CELF4: variants seen among roughly 807,000 people sequenced by gnomAD.
CELF4 encodes CUGBP Elav-like family member 4, also known as CUG-BP- and ETR-3-like factor 4.
Under a neutral mutation model 59.9 loss-of-function variants are expected in CELF4, and 18 were observed. The observed-to-expected ratio is 0.30, with a 90% CI of 0.21 to 0.45. The LOEUF is 0.45. Ranked by LOEUF, CELF4 falls within the 20% of genes least tolerant of loss-of-function variation. The probability of loss-of-function intolerance (pLI) is 1.00; values close to 1 mark genes in which losing one functional copy is unlikely to be tolerated. For missense variants in CELF4, 456 were observed against 689.0 expected (o/e 0.66, Z 3.79); for synonymous variants, 261 against 267.1 (o/e 0.98, Z 0.22).
intron 2 of CELF4, among the ~76,000 whole-genome samples, chr18:37,396,493 C>T (rs473443): frequency 3.3e-5 from 5 of 152,100 alleles, no homozygotes; most frequent in African/African-American, 9.7e-5. Context: ...TAAAAGACCA[C>T]GGTGAGTGAG....
chr18:37,301,369 G>A (rs1240058116), intron 3 of CELF4, among the ~76,000 whole-genome samples: 1 of 152,204 alleles, frequency 6.6e-6, no homozygotes, highest in Non-Finnish European at 1.5e-5. Context: ...AAAGACGGCA[G>A]AGATGGGGGC....
chr18:37,557,643 G>A lies in CELF4; in HGVS notation c.286+7713C>T, dbSNP rs76268635. ...GTGCATTGCAATAAAGTAACATCGC[G>A]GTCAGTTTATGCGTTGTCCAGAGCC... On this transcript the variant is annotated intron_variant, in intron 1 of 12. Coordinates refer to ENST00000420428, the MANE Select transcript of CELF4 (RefSeq NM_020180.4). 2.5e-3 allele frequency among the ~76,000 whole-genome samples: 386 copies of A among 152,276 alleles called. 2 individuals carry two copies. Among genetic ancestry groups the A allele is most frequent in the African/African-American group, 8.7e-3 (363 of 41,550 alleles).
chr18:37,421,164 A>G (rs1786822), intron 2 of CELF4, among the ~76,000 whole-genome samples: 139,287 of 152,000 alleles, frequency 0.92, 65,077 homozygotes, highest in East Asian at 1. Flanking sequence ...ACAGTTCCCT[A>G]TCCGGGTCAT....
chr18:37,470,509 A>G (rs888342245), intron 2 of CELF4, among the ~76,000 whole-genome samples: 1 of 152,192 alleles, frequency 6.6e-6, no homozygotes, highest in Non-Finnish European at 1.5e-5. Flanking sequence ...CCTTTTCAAG[A>G]TAAAGGCCAT....
intron 1 of CELF4, among the ~76,000 whole-genome samples, chr18:37,527,744 C>A (rs1323772640): frequency 1.3e-5 from 2 of 152,196 alleles, no homozygotes; most frequent in East Asian, 3.9e-4. Flanking sequence ...TCAACCCCCT[C>A]TGTGCATTTT....
intron 2 of CELF4, among the ~76,000 whole-genome samples, chr18:37,368,280 T>C (rs1488125742): frequency 1.3e-5 from 2 of 152,096 alleles, no homozygotes; most frequent in East Asian, 1.9e-4. Context: ...TCTGACCCCA[T>C]CTCCCTCTTC....
At chr18:37,439,846 G>A (rs559926468) in intron 2 of CELF4, among the ~76,000 whole-genome samples, 3 of 152,146 alleles carry the variant, frequency 2.0e-5, no homozygotes, top group Non-Finnish European at 4.4e-5. Context: ...GGAAACATTT[G>A]TCCCCAAGAC....
At chr18:37,273,506 T>C in intron 6 of CELF4, 6 of 1,032,686 alleles carry the variant, frequency 5.8e-6, no homozygotes, top group East Asian at 8.3e-5. Flanking sequence ...ACTAGAGACA[T>C]GCTGGATGAG....
intron 3 of CELF4, chr18:37,276,418 G>A (rs551876880): frequency 6.6e-6 from 1 of 152,244 alleles, no homozygotes; most frequent in Non-Finnish European, 1.5e-5. Flanking sequence ...TGACTTCTGA[G>A]GTTGGGTCAT....
chr18:37,442,800 C>A (rs1176818010), intron 2 of CELF4, among the ~76,000 whole-genome samples: 1 of 152,178 alleles, frequency 6.6e-6, no homozygotes, highest in East Asian at 1.9e-4. Flanking sequence ...TACGGAGGCG[C>A]CTTGCAATTG....
intron 1 of CELF4, among the ~76,000 whole-genome samples, chr18:37,564,994 C>A (rs1239071015): frequency 6.6e-6 from 1 of 152,110 alleles, no homozygotes; most frequent in African/African-American, 2.4e-5. Context: ...GCCCGCGAGT[C>A]CGTCCGCTCA....
chr18:37,414,470 C>T (rs1202463601), intron 2 of CELF4, among the ~76,000 whole-genome samples: 1 of 151,178 alleles, frequency 6.6e-6, no homozygotes, highest in Non-Finnish European at 1.5e-5. Flanking sequence ...ATCTATCCAT[C>T]TACCCATCTA....
At chr18:37,411,214 C>T (rs1212771389) in intron 2 of CELF4, among the ~76,000 whole-genome samples, 1 of 152,208 alleles carries the variant, frequency 6.6e-6, no homozygotes, top group Non-Finnish European at 1.5e-5. Flanking sequence ...CCTTGGCCTC[C>T]CAAAGTGTTG....
intron 2 of CELF4, among the ~76,000 whole-genome samples, chr18:37,416,275 T>C (rs1053345204): frequency 5.3e-5 from 8 of 152,124 alleles, no homozygotes. Context: ...CCATTTGAAG[T>C]ATCTGACTCA....
chr18:37,554,859 A>G lies in CELF4; in HGVS notation c.286+10497T>C, dbSNP rs570847577. The stretch of plus-strand genomic sequence containing the variant: ...GAGTGAGGGGTCCAGGACTGCCCCA[A>G]GAGAATTCCAAGCCTTCCCTTGGAA... On this transcript the variant is annotated intron_variant, in intron 1 of 12. Coordinates refer to ENST00000420428, the MANE Select transcript of CELF4 (RefSeq NM_020180.4). Among the ~76,000 whole-genome samples the G allele has an allele frequency of 3.3e-5, 5 of 152,294 alleles. No individual in the cohort carries two copies. The East Asian group carries it at 7.7e-4, about 24-fold the overall frequency.
intron 12 of CELF4, among the ~76,000 whole-genome samples, chr18:37,251,485 A>G (rs2065435796): frequency 1.3e-5 from 2 of 152,172 alleles, no homozygotes; most frequent in South Asian, 4.1e-4. Context: ...GGCTAAGACA[A>G]GCTACTTTCA....
chr18:37,493,980 A>C (rs2099921958), intron 1 of CELF4, among the ~76,000 whole-genome samples: 2 of 152,204 alleles, frequency 1.3e-5, no homozygotes. Context: ...AGATGTGCAC[A>C]GAGCTGGGGT....
At chr18:37,500,966 G>C (rs2099931171) in intron 1 of CELF4, among the ~76,000 whole-genome samples, 2 of 152,228 alleles carry the variant, frequency 1.3e-5, no homozygotes, top group Non-Finnish European at 1.5e-5. Context: ...CTGAGGCTGA[G>C]CAGAGGCTCA....
chr18:37,272,758 A>C (rs1256920720), intron 7 of CELF4, among the ~76,000 whole-genome samples: 1 of 152,132 alleles, frequency 6.6e-6, no homozygotes, highest in Non-Finnish European at 1.5e-5. Flanking sequence ...TTTCCTGATA[A>C]GGTTAAACAG....
Sources: allele counts gnomAD v4.1 joint callset (sites outside exome capture counted in the v4.1 genomes callset), GRCh38; gene constraint gnomAD v4.1.1; transcripts MANE v1.5; gene names NCBI Gene and HGNC (gene_info 2026-07-23, HGNC 2026-07-21).